HNF1B: variants seen among roughly 807,000 people sequenced by gnomAD.
HNF1B encodes the protein hepatocyte nuclear factor 1-beta.
HNF1B carries 8 observed loss-of-function variants against 61.7 expected under a neutral mutation model. The observed-to-expected ratio is 0.13, with a 90% CI of 0.08 to 0.23. The LOEUF is 0.23. Among genes scored for constraint, HNF1B ranks in the 10% least tolerant of loss-of-function variants. The probability of loss-of-function intolerance (pLI) is 1.00; values close to 1 mark genes in which losing one functional copy is unlikely to be tolerated. For missense variants in HNF1B, 562 were observed against 714.5 expected, an observed-to-expected ratio of 0.79 and a Z score of 2.43; for synonymous variants, 314 against 287.7, an observed-to-expected ratio of 1.09 and a Z score of -0.93.
chr17:37,720,626 T>C (rs1179965781), intron 4 of HNF1B: 1 of 221,244 alleles, frequency 4.5e-6, no homozygotes, highest in African/African-American at 2.3e-5. Context: ...GCATATGCTT[T>C]GACAGGAAGC....
chr17:37,727,250 G>A (rs1390531038), intron 4 of HNF1B, among the ~76,000 whole-genome samples: 1 of 152,150 alleles, frequency 6.6e-6, no homozygotes, highest in Non-Finnish European at 1.5e-5. Flanking sequence ...CTCCAGACCT[G>A]CTCAATGGCT....
At chr17:37,696,233 G>A (rs759220768) in intron 8 of HNF1B, among the ~76,000 whole-genome samples, 21 of 152,154 alleles carry the variant, frequency 1.4e-4, no homozygotes, top group African/African-American at 4.1e-4. Context: ...TCACTTGAGC[G>A]CAGGAGTTTG....
rs76097958 is a variant in HNF1B at position 37,687,076 on chromosome 17, G to A, written c.*296C>T. 5.7e-4 allele frequency: 345 copies of A among 601,462 alleles called. No homozygotes were observed. The highest frequency in any genetic ancestry group is 5.3e-3 in the African/African-American group (288 of 53,990). The allele number at this position is 601,462 out of a possible 1,614,324, so 37.3% of individuals were successfully genotyped here. On this transcript the variant is annotated 3_prime_UTR_variant, in exon 9 of 9. Coordinates refer to ENST00000617811, the MANE Select transcript of HNF1B (RefSeq NM_000458.4). ...TGAAGGATCACAACATAGACAGTAC[G>A]GCTTTCTTGCTTCCTCTTCGGAGGT...
intron 5 of HNF1B, among the ~76,000 whole-genome samples, chr17:37,709,911 C>G (rs922899971): frequency 2.6e-5 from 4 of 152,142 alleles, no homozygotes; most frequent in Non-Finnish European, 5.9e-5. Context: ...ATTGTAACTT[C>G]AAAGTTGGTG....
In HNF1B at chr17:37,726,002, T is replaced by A. The variant is rs188897349; in HGVS notation, c.1045+5593A>T. ...AATCCACCTTGGTCAGGGGCAGTGG[T>A]TGGGGAGGAAGTAGTAAACTACCCA... is the stretch of plus-strand genomic sequence containing the variant. On this transcript the variant is annotated intron_variant, in intron 4 of 8. Coordinates refer to ENST00000617811, the MANE Select transcript of HNF1B (RefSeq NM_000458.4). Among the ~76,000 whole-genome samples the A allele has an allele frequency of 2.6e-3, 402 of 152,322 alleles. 1 individual carries two copies. Among genetic ancestry groups the A allele is most frequent in the African/African-American group, 9.2e-3 (382 of 41,570 alleles).
At chr17:37,698,669 C>G (rs897143298) in intron 8 of HNF1B, among the ~76,000 whole-genome samples, 4 of 152,196 alleles carry the variant, frequency 2.6e-5, no homozygotes, top group Non-Finnish European at 4.4e-5. Context: ...CCGCTGACTA[C>G]TTTGTGGATC....
At chr17:37,710,727 G>A (rs943456071) in intron 4 of HNF1B, 64 bp from the exon 5 acceptor site, 93 of 1,511,446 alleles carry the variant, frequency 6.2e-5, no homozygotes, top group Non-Finnish European at 8.0e-5. Flanking sequence ...ACAATGACTC[G>A]GCACCTCTTG....
intron 4 of HNF1B, among the ~76,000 whole-genome samples, chr17:37,712,533 G>C (rs549677602): frequency 6.6e-6 from 1 of 152,142 alleles, no homozygotes; most frequent in South Asian, 2.1e-4. Flanking sequence ...AAAGAGATTT[G>C]AACCTTATGA....
intron 5 of HNF1B, among the ~76,000 whole-genome samples, chr17:37,708,541 C>T (rs569402281): frequency 2.0e-5 from 3 of 152,272 alleles, no homozygotes; most frequent in African/African-American, 7.2e-5. Flanking sequence ...GACCTTCAAG[C>T]AGTAAGAGCT....
In HNF1B at chr17:37,687,370, C is replaced by A; in HGVS notation, c.*2G>T. On this transcript the variant is annotated 3_prime_UTR_variant, in exon 9 of 9. Coordinates refer to ENST00000617811, the MANE Select transcript of HNF1B (RefSeq NM_000458.4). The stretch of plus-strand genomic sequence containing the variant: ...GCGCACGAAGTAAGTGGTGTGTGGG[C>A]ATCACCAGGCTTGTAGAGGACACTG... The A allele has an allele frequency of 6.2e-7, 1 of 1,613,992 alleles. No homozygotes were observed.
intron 4 of HNF1B, among the ~76,000 whole-genome samples, chr17:37,725,626 T>C (rs2033470647): frequency 6.6e-6 from 1 of 152,242 alleles, no homozygotes; most frequent in African/African-American, 2.4e-5. Context: ...TCAGTATGAA[T>C]GTGTTTCCTA....
At chr17:37,742,178 G>C (rs2034012257) in intron 1 of HNF1B, among the ~76,000 whole-genome samples, 1 of 152,256 alleles carries the variant, frequency 6.6e-6, no homozygotes, top group African/African-American at 2.4e-5. Context: ...CCCACGAGCA[G>C]AGAAGCCTGG....
rs1367720888 is a variant in HNF1B at position 37,710,553 on chromosome 17, G to C, written c.1156C>G (p.Pro386Ala). Residue 386 changes from proline to alanine, a missense_variant, in exon 5 of 9, where the codon CCA (proline) becomes GCA (alanine). Transcript: ENST00000617811. ...TTGTGGCCTGGGTCCAGGCTGGCTG[G>C]GGAGACTTGCTGTAAAACCGACTGG... Reference protein sequence around the residue: ...TSQSVLQQVSPASLDPGHNLL... With the variant: ...TSQSVLQQVSAASLDPGHNLL... The C allele has an allele frequency of 6.2e-7, 1 of 1,614,156 alleles. No individual in the cohort carries two copies. Among genetic ancestry groups the C allele is most frequent in the South Asian group, 1.1e-5 (1 of 91,082 alleles).
intron 3 of HNF1B, 66 bp from the exon 4 acceptor site, chr17:37,731,896 A>C: frequency 1.9e-6 from 2 of 1,047,478 alleles, no homozygotes; most frequent in Non-Finnish European, 2.9e-6. Flanking sequence ...TGCTTGGCCA[A>C]AAACACACAA....
At chr17:37,727,368 C>T (rs961657055) in intron 4 of HNF1B, among the ~76,000 whole-genome samples, 1 of 152,176 alleles carries the variant, frequency 6.6e-6, no homozygotes. Flanking sequence ...AGATAAATGG[C>T]TGCCTGCAGC....
chr17:37,712,914 A>G (rs2032983210), intron 4 of HNF1B, among the ~76,000 whole-genome samples: 1 of 152,172 alleles, frequency 6.6e-6, no homozygotes, highest in Non-Finnish European at 1.5e-5. Flanking sequence ...AAGATCCTAG[A>G]ATTCTAGATG....
intron 2 of HNF1B, among the ~76,000 whole-genome samples, chr17:37,739,164 A>T (rs1015097024): frequency 1.3e-5 from 2 of 152,142 alleles, no homozygotes; most frequent in Non-Finnish European, 2.9e-5. Flanking sequence ...AAAGAGAAGG[A>T]GGTGGAAGGA....
At chr17:37,714,665 C>T (rs1021643172) in intron 4 of HNF1B, among the ~76,000 whole-genome samples, 5 of 152,220 alleles carry the variant, frequency 3.3e-5, no homozygotes, top group Admixed American at 2.6e-4. Flanking sequence ...TCCTAGGCAT[C>T]AGCATCATGG....
chr17:37,714,422 T>G (rs373824632), intron 4 of HNF1B, among the ~76,000 whole-genome samples: 17 of 152,328 alleles, frequency 1.1e-4, no homozygotes, highest in African/African-American at 3.8e-4. Flanking sequence ...TGGTTTAATA[T>G]TGATTAACCA....
Sources: allele counts gnomAD v4.1 joint callset (sites outside exome capture counted in the v4.1 genomes callset), GRCh38; gene constraint gnomAD v4.1.1; transcripts MANE v1.5; gene names NCBI Gene and HGNC (gene_info 2026-07-23, HGNC 2026-07-21).